Variants in CNTN5 observed in about 807,000 individuals in gnomAD.
The protein encoded by CNTN5 is contactin 5, also known as contactin-5.
In CNTN5, 77 loss-of-function variants were observed where a neutral mutation model predicts 129.1. That is an observed-to-expected ratio of 0.60 (90% CI 0.50 to 0.72). CNTN5 has a LOEUF of 0.72. Ranked by LOEUF, CNTN5 falls within the 30% of genes least tolerant of loss-of-function variation. CNTN5 has a pLI of 0.00. For missense variants in CNTN5, 1,478 were observed against 1,328.8 expected (o/e 1.11, Z -1.75); for synonymous variants, 509 against 465.6 (o/e 1.09, Z -1.20).
chr11:99,483,538 G>A (rs1945687610), intron 2 of CNTN5, among the ~76,000 whole-genome samples: 1 of 152,110 alleles, frequency 6.6e-6, no homozygotes, highest in Non-Finnish European at 1.5e-5. Context: ...TTGGGAAGCT[G>A]CTGCTCACCA....
intron 1 of CNTN5, among the ~76,000 whole-genome samples, chr11:99,116,001 A>G (rs1006762611): frequency 3.9e-5 from 6 of 152,224 alleles, no homozygotes; most frequent in Non-Finnish European, 1.5e-5. Flanking sequence ...ATCTATTTTG[A>G]GAACAATCAC....
chr11:99,367,054 A>T (rs1057109572), intron 2 of CNTN5, among the ~76,000 whole-genome samples: 2 of 152,152 alleles, frequency 1.3e-5, no homozygotes, highest in Admixed American at 1.3e-4. Context: ...TTTTTATGGT[A>T]TTATGCCTCT....
intron 6 of CNTN5, among the ~76,000 whole-genome samples, chr11:99,904,361 A>T (rs1199808635): frequency 6.6e-6 from 1 of 151,228 alleles, no homozygotes; most frequent in Non-Finnish European, 1.5e-5. Flanking sequence ...CTCATTGTTC[A>T]ACTTCCACTT....
chr11:99,793,248 A>G (rs568533314), intron 3 of CNTN5, among the ~76,000 whole-genome samples: 5 of 152,090 alleles, frequency 3.3e-5, no homozygotes, highest in Non-Finnish European at 5.9e-5. Flanking sequence ...TTTAGTAGAG[A>G]CGGGGTTTCA....
intron 13 of CNTN5, among the ~76,000 whole-genome samples, chr11:100,076,302 C>G (rs1944124153): frequency 6.6e-6 from 1 of 152,002 alleles, no homozygotes. Flanking sequence ...TTCTGGGTGG[C>G]ATGTGAGTTT....
At chr11:100,161,927 T>G (rs1436523150) in intron 13 of CNTN5, among the ~76,000 whole-genome samples, 1 of 150,840 alleles carries the variant, frequency 6.6e-6, no homozygotes, top group African/African-American at 2.4e-5. Flanking sequence ...GTCTTGGAAC[T>G]GCTCAAATTC....
intron 3 of CNTN5, among the ~76,000 whole-genome samples, chr11:99,600,364 T>C (rs1440819831): frequency 6.6e-6 from 1 of 152,210 alleles, no homozygotes; most frequent in East Asian, 1.9e-4. Context: ...TGTTGTGAGC[T>C]AATGCAACTT....
intron 3 of CNTN5, among the ~76,000 whole-genome samples, chr11:99,777,273 G>T (rs1317078696): frequency 6.6e-6 from 1 of 151,766 alleles, no homozygotes; most frequent in African/African-American, 2.4e-5. Context: ...ATGACATGCT[G>T]CCCATGGATA....
intron 7 of CNTN5, among the ~76,000 whole-genome samples, chr11:99,937,525 T>C (rs560996796): frequency 1.3e-5 from 2 of 152,262 alleles, no homozygotes; most frequent in East Asian, 3.9e-4. Context: ...AGGGCTGTGC[T>C]TCGGAGATGT....
At chr11:99,331,909 G>A (rs2136028225) in intron 2 of CNTN5, among the ~76,000 whole-genome samples, 1 of 152,156 alleles carries the variant, frequency 6.6e-6, no homozygotes, top group East Asian at 1.9e-4. Context: ...CATGAGCCAT[G>A]TTGCTCTTTT....
At chr11:99,071,525 C>G (rs973361203) in intron 1 of CNTN5, among the ~76,000 whole-genome samples, 12 of 152,056 alleles carry the variant, frequency 7.9e-5, no homozygotes, top group Non-Finnish European at 1.6e-4. Context: ...TTTAAAAAGA[C>G]TTTGCAAATT....
intron 6 of CNTN5, among the ~76,000 whole-genome samples, chr11:99,891,473 C>G (rs1013991351): frequency 6.6e-6 from 1 of 151,968 alleles, no homozygotes; most frequent in Non-Finnish European, 1.5e-5. Context: ...AATGCTATGC[C>G]TCCCCTAGGC....
chr11:99,635,615 A>G (rs995852293), intron 3 of CNTN5, among the ~76,000 whole-genome samples: 1 of 151,646 alleles, frequency 6.6e-6, no homozygotes, highest in African/African-American at 2.4e-5. Flanking sequence ...AATCCCAGGG[A>G]TGTGGTGGCA....
intron 20 of CNTN5, among the ~76,000 whole-genome samples, chr11:100,306,334 G>A (rs1056700014): frequency 6.6e-6 from 1 of 151,598 alleles, no homozygotes; most frequent in Admixed American, 6.6e-5. Flanking sequence ...ACTACTGAAA[G>A]TTGATAGAGA....
At chr11:99,031,477 G>T (rs142549392) in intron 1 of CNTN5, among the ~76,000 whole-genome samples, 8 of 151,934 alleles carry the variant, frequency 5.3e-5, no homozygotes, top group African/African-American at 1.9e-4. Context: ...TTTCAAAAAG[G>T]TATGAGAAAA....
intron 9 of CNTN5, among the ~76,000 whole-genome samples, chr11:100,051,653 A>G (rs907144300): frequency 5.3e-5 from 8 of 151,884 alleles, no homozygotes; most frequent in African/African-American, 1.9e-4. Flanking sequence ...TGGACAGATA[A>G]TAAGGAAAAA....
chr11:99,076,063 G>A (rs1463350369), intron 1 of CNTN5, among the ~76,000 whole-genome samples: 3 of 152,162 alleles, frequency 2.0e-5, no homozygotes, highest in Non-Finnish European at 1.5e-5. Context: ...GCCAGGCACA[G>A]TGGCTCACGC....
intron 2 of CNTN5, among the ~76,000 whole-genome samples, chr11:99,511,095 A>AC (rs1228246453): frequency 1.1e-4 from 17 of 152,002 alleles, no homozygotes; most frequent in Non-Finnish European, 4.4e-5. Flanking sequence ...TTAAATAGAA[A>AC]AAATCTTATA....
intron 1 of CNTN5, among the ~76,000 whole-genome samples, chr11:99,039,192 G>T (rs191337099): frequency 6.6e-6 from 1 of 152,226 alleles, no homozygotes; most frequent in African/African-American, 2.4e-5. Flanking sequence ...CAAATATGTT[G>T]TAGACCAAAA....
Sources: gnomAD v4.1 joint callset for allele counts (sites outside exome capture counted in the v4.1 genomes callset) on GRCh38, gnomAD v4.1.1 for gene constraint, MANE v1.5 for transcripts, NCBI Gene and HGNC (gene_info 2026-07-23, HGNC 2026-07-21) for gene names.